The following EVL variants were observed in gnomAD, a reference collection of about 807,000 sequenced individuals.
EVL encodes the protein Enah/Vasp-like, also known as ena/VASP-like protein.
In EVL, 21 loss-of-function variants were observed where a neutral mutation model predicts 59.6. The observed-to-expected ratio is 0.35, with a 90% CI of 0.25 to 0.51. EVL has a LOEUF of 0.51. Among genes scored for constraint, EVL ranks in the 20% least tolerant of loss-of-function variants. The pLI, the probability that EVL is intolerant of heterozygous loss-of-function variation, is 0.97. For synonymous variants in EVL, 198 were observed against 203.5 expected, an observed-to-expected ratio of 0.97 and a Z score of 0.23; for missense variants, 462 against 546.6, an observed-to-expected ratio of 0.85 and a Z score of 1.54.
intron 2 of EVL, among the ~76,000 whole-genome samples, chr14:100,092,718 G>T (rs186138882): frequency 1.3e-5 from 2 of 152,192 alleles, no homozygotes; most frequent in East Asian, 3.9e-4. Flanking sequence ...CTGGGTGACA[G>T]GAGCGAAACT....
intron 1 of EVL, among the ~76,000 whole-genome samples, chr14:99,987,976 G>A (rs899474531): frequency 2.8e-4 from 41 of 143,936 alleles, no homozygotes; most frequent in African/African-American, 8.7e-4. Flanking sequence ...GTGCAATGGC[G>A]TGATCTTGGC....
chr14:100,132,182 T>C (rs1476839438), intron 7 of EVL, among the ~76,000 whole-genome samples: 1 of 150,818 alleles, frequency 6.6e-6, no homozygotes, highest in Non-Finnish European at 1.5e-5. Context: ...CTCAAGGGCG[T>C]CACGTGGACC....
chr14:100,033,535 G>A (rs2061344896), intron 1 of EVL, among the ~76,000 whole-genome samples: 1 of 152,184 alleles, frequency 6.6e-6, no homozygotes, highest in Non-Finnish European at 1.5e-5. Context: ...TCATTCCATA[G>A]CTGCTTTCTA....
At chr14:100,028,858 T>C (rs1394506600) in intron 1 of EVL, among the ~76,000 whole-genome samples, 2 of 152,190 alleles carry the variant, frequency 1.3e-5, no homozygotes, top group Non-Finnish European at 2.9e-5. Context: ...TTGTTGAGTT[T>C]TACTCAAAGT....
At chr14:100,047,910 C>T (rs929145889) in intron 1 of EVL, among the ~76,000 whole-genome samples, 1 of 152,202 alleles carries the variant, frequency 6.6e-6, no homozygotes, top group Non-Finnish European at 1.5e-5. Flanking sequence ...AACAATTGGA[C>T]ACCCTTATGC....
chr14:100,132,005 C>T (rs1361654694), intron 7 of EVL, among the ~76,000 whole-genome samples: 1 of 152,082 alleles, frequency 6.6e-6, no homozygotes, highest in African/African-American at 2.4e-5. Context: ...TGATGGGCAG[C>T]TCATCTCAAG....
chr14:99,991,625 A>G (rs1367050838), intron 1 of EVL, among the ~76,000 whole-genome samples: 1 of 152,230 alleles, frequency 6.6e-6, no homozygotes, highest in Non-Finnish European at 1.5e-5. Flanking sequence ...TTTTGTTTCC[A>G]AAGTTGATAT....
intron 3 of EVL, 98 bp downstream of exon 3, chr14:100,097,756 C>A: frequency 8.9e-7 from 1 of 1,129,664 alleles, no homozygotes; most frequent in Non-Finnish European, 1.2e-6. Flanking sequence ...AGCACTGTCA[C>A]TGCATTGAGC....
intron 1 of EVL, among the ~76,000 whole-genome samples, chr14:100,010,261 C>T (rs186155192): frequency 6.5e-4 from 99 of 152,206 alleles, no homozygotes; most frequent in Non-Finnish European, 8.1e-4. Context: ...AAGTAAGTCA[C>T]GATATACAGG....
intron 1 of EVL, among the ~76,000 whole-genome samples, chr14:100,042,198 C>A (rs1298495927): frequency 6.6e-6 from 1 of 152,220 alleles, no homozygotes; most frequent in Non-Finnish European, 1.5e-5. Flanking sequence ...GTATTTTACC[C>A]TAACATCACT....
At chr14:99,989,314 G>C (rs1031569293) in intron 1 of EVL, among the ~76,000 whole-genome samples, 7 of 151,520 alleles carry the variant, frequency 4.6e-5, no homozygotes, top group African/African-American at 1.7e-4. Context: ...CATCTCCCCA[G>C]GGCCGTGATA....
intron 8 of EVL, among the ~76,000 whole-genome samples, 190 bp downstream of exon 8, chr14:100,132,969 G>C (rs867714201): frequency 9.8e-5 from 15 of 152,316 alleles, no homozygotes; most frequent in Non-Finnish European, 1.2e-4. Flanking sequence ...CAGCAGGCCT[G>C]CCCTCACTGA....
At chr14:100,093,832 A>C (rs1211966598) in intron 2 of EVL, among the ~76,000 whole-genome samples, 1 of 152,224 alleles carries the variant, frequency 6.6e-6, no homozygotes, top group East Asian at 1.9e-4. Context: ...GAGGTTTCAC[A>C]TACCCAAGAT....
intron 3 of EVL, among the ~76,000 whole-genome samples, chr14:100,105,140 T>A (rs1379512070): frequency 6.6e-6 from 1 of 152,070 alleles, no homozygotes; most frequent in Non-Finnish European, 1.5e-5. Context: ...TCATGCTACT[T>A]AGCATGTTTT....
At chr14:100,071,210 A>G (rs1431472205) in intron 1 of EVL, among the ~76,000 whole-genome samples, 1 of 152,192 alleles carries the variant, frequency 6.6e-6, no homozygotes, top group Non-Finnish European at 1.5e-5. Flanking sequence ...TGTAGACTTT[A>G]TTTACCCAAA....
chr14:100,010,067 G>T (rs1163499393), intron 1 of EVL, among the ~76,000 whole-genome samples: 1 of 152,176 alleles, frequency 6.6e-6, no homozygotes, highest in Non-Finnish European at 1.5e-5. Flanking sequence ...GCTCTTAGTT[G>T]ATTGTCTCCT....
chr14:100,024,973 CAG>C (rs769040348), intron 1 of EVL, among the ~76,000 whole-genome samples: 4 of 152,106 alleles, frequency 2.6e-5, no homozygotes, highest in Non-Finnish European at 4.4e-5. Context: ...AGCTCTGTCT[CAG>C]AATATACACC....
intron 1 of EVL, among the ~76,000 whole-genome samples, chr14:100,076,824 A>G (rs2140289129): frequency 6.6e-6 from 1 of 152,282 alleles, no homozygotes; most frequent in East Asian, 1.9e-4. Flanking sequence ...AAGGGCTACA[A>G]TGTGAAGGCC....
intron 5 of EVL, 84 bp downstream of exon 5, chr14:100,126,855 C>T (rs990168425): frequency 2.2e-5 from 30 of 1,366,718 alleles, no homozygotes; most frequent in Non-Finnish European, 2.9e-5. Context: ...CAGGGACACA[C>T]GGGGCGCTCT....
Sources: allele counts gnomAD v4.1 joint callset (sites outside exome capture counted in the v4.1 genomes callset), GRCh38; gene constraint gnomAD v4.1.1; transcripts MANE v1.5; gene names NCBI Gene and HGNC (gene_info 2026-07-23, HGNC 2026-07-21).